The following WWOX variants were observed in gnomAD, a reference collection of about 807,000 sequenced individuals.
WWOX encodes the protein WW domain-containing oxidoreductase.
A neutral mutation model predicts 46.2 loss-of-function variants in WWOX; 69 were observed. The ratio of observed to expected loss-of-function variants is 1.49; its 90% CI spans 1.23 to 1.82. WWOX has a LOEUF of 1.82. Among genes scored for constraint, WWOX ranks in the 40% most tolerant of loss-of-function variants. WWOX has a pLI of 0.00. For missense variants in WWOX, 919 were observed against 542.6 expected (o/e 1.69, Z -6.89); for synonymous variants, 359 against 202.6 (o/e 1.77, Z -6.56).
At chr16:78,842,190 G>A (rs867487946) in intron 8 of WWOX, among the ~76,000 whole-genome samples, 3 of 152,066 alleles carry the variant, frequency 2.0e-5, no homozygotes, top group African/African-American at 7.2e-5. Context: ...ACTTGAAGAG[G>A]AGGAAGTCAA....
chr16:79,131,176 A>G (rs2049870686), intron 8 of WWOX, among the ~76,000 whole-genome samples: 1 of 152,106 alleles, frequency 6.6e-6, no homozygotes, highest in African/African-American at 2.4e-5. Context: ...TCTCCTCTGC[A>G]TGTAACAAGC....
chr16:78,985,118 A>T (rs544839171), intron 8 of WWOX, among the ~76,000 whole-genome samples: 4 of 152,190 alleles, frequency 2.6e-5, no homozygotes, highest in Non-Finnish European at 4.4e-5. Flanking sequence ...AACGGATCAG[A>T]TTCCATCTGA....
intron 5 of WWOX, among the ~76,000 whole-genome samples, chr16:78,312,409 C>G (rs1156812449): frequency 8.5e-6 from 1 of 117,080 alleles, no homozygotes; most frequent in South Asian, 2.8e-4. Flanking sequence ...CGGAGTTGTG[C>G]TCTTGTCACC....
At chr16:78,133,572 T>C (rs1024319403) in intron 4 of WWOX, among the ~76,000 whole-genome samples, 12 of 152,026 alleles carry the variant, frequency 7.9e-5, no homozygotes, top group African/African-American at 2.9e-4. Flanking sequence ...ATTTTTGTAT[T>C]TTTAGTAGAG....
At chr16:78,965,688 G>C (rs1010407314) in intron 8 of WWOX, among the ~76,000 whole-genome samples, 1 of 152,022 alleles carries the variant, frequency 6.6e-6, no homozygotes, top group East Asian at 1.9e-4. Context: ...TTCTGTCGTC[G>C]TCATTTTTTT....
chr16:78,885,969 G>C (rs1409849087), intron 8 of WWOX, among the ~76,000 whole-genome samples: 1 of 144,314 alleles, frequency 6.9e-6, no homozygotes, highest in Non-Finnish European at 1.5e-5. Flanking sequence ...CTGTTGCCCA[G>C]GCTGGAGTGC....
At chr16:79,021,539 C>T (rs1465958185) in intron 8 of WWOX, among the ~76,000 whole-genome samples, 1 of 152,152 alleles carries the variant, frequency 6.6e-6, no homozygotes, top group African/African-American at 2.4e-5. Context: ...AAGAACACAG[C>T]TCATGGTCGG....
At chr16:78,871,242 G>A (rs1388520565) in intron 8 of WWOX, among the ~76,000 whole-genome samples, 3 of 152,006 alleles carry the variant, frequency 2.0e-5, no homozygotes, top group African/African-American at 7.2e-5. Context: ...ACAGAAAGAG[G>A]GGGGATTTTT....
intron 8 of WWOX, among the ~76,000 whole-genome samples, chr16:78,537,694 C>T (rs954031103): frequency 6.6e-6 from 1 of 151,886 alleles, no homozygotes; most frequent in African/African-American, 2.4e-5. Flanking sequence ...AGCCAGGGTC[C>T]CAGCTGCCAC....
chr16:78,511,809 G>A (rs1026318304), intron 8 of WWOX, among the ~76,000 whole-genome samples: 4 of 152,144 alleles, frequency 2.6e-5, no homozygotes, highest in African/African-American at 9.7e-5. Flanking sequence ...GGCAGACATG[G>A]GATGGCTTTT....
At chr16:79,170,828 C>G (rs141541493) in intron 8 of WWOX, among the ~76,000 whole-genome samples, 1,575 of 152,148 alleles carry the variant, frequency 0.01, 34 homozygotes, top group African/African-American at 0.036. Flanking sequence ...GAGATGAGGT[C>G]TTTCCAGGTT....
At chr16:78,769,843 C>CA (rs1221692408) in intron 8 of WWOX, among the ~76,000 whole-genome samples, 2 of 148,512 alleles carry the variant, frequency 1.3e-5, no homozygotes, top group South Asian at 2.1e-4. Flanking sequence ...CCTGTCTCTA[C>CA]AAAAAATAAA....
chr16:78,180,335 C>T (rs781441377), intron 5 of WWOX, among the ~76,000 whole-genome samples: 35 of 152,098 alleles, frequency 2.3e-4, no homozygotes, highest in Admixed American at 1.3e-4. Context: ...AAAGGCTGCA[C>T]CTGAGAGTAG....
intron 8 of WWOX, among the ~76,000 whole-genome samples, chr16:78,710,917 C>G (rs2048431515): frequency 6.6e-6 from 1 of 152,056 alleles, no homozygotes; most frequent in Non-Finnish European, 1.5e-5. Context: ...ATGCCAAAGC[C>G]TAAGGGACCT....
At chr16:78,388,938 C>T (rs1428737070) in intron 6 of WWOX, among the ~76,000 whole-genome samples, 1 of 149,514 alleles carries the variant, frequency 6.7e-6, no homozygotes, top group East Asian at 2.0e-4. Context: ...CAGTGCACTC[C>T]AGCCCGGGTG....
At chr16:79,018,981 T>C (rs578127025) in intron 8 of WWOX, among the ~76,000 whole-genome samples, 1 of 151,302 alleles carries the variant, frequency 6.6e-6, no homozygotes, top group South Asian at 2.1e-4. Context: ...CAAAACCCCA[T>C]CTCTACAAAA....
intron 8 of WWOX, among the ~76,000 whole-genome samples, chr16:78,486,477 T>C (rs968501311): frequency 1.3e-5 from 2 of 152,218 alleles, no homozygotes; most frequent in Non-Finnish European, 2.9e-5. Flanking sequence ...GGTCTTAAAG[T>C]TCCTGATAGT....
intron 8 of WWOX, among the ~76,000 whole-genome samples, chr16:78,479,264 G>C (rs975361091): frequency 1.3e-5 from 2 of 152,186 alleles, no homozygotes; most frequent in Non-Finnish European, 2.9e-5. Flanking sequence ...AGACAGTAAG[G>C]ATATGGATAT....
chr16:78,716,591 G>C (rs2048567640), intron 8 of WWOX, among the ~76,000 whole-genome samples: 1 of 152,018 alleles, frequency 6.6e-6, no homozygotes, highest in Admixed American at 6.6e-5. Flanking sequence ...TGCCAGGCAA[G>C]TTCGTGTGGT....
Sources: allele counts gnomAD v4.1 joint callset (sites outside exome capture counted in the v4.1 genomes callset), GRCh38; gene constraint gnomAD v4.1.1; transcripts MANE v1.5; gene names NCBI Gene and HGNC (gene_info 2026-07-23, HGNC 2026-07-21).